The following SFXN5 variants were observed in gnomAD, a reference collection of about 807,000 sequenced individuals.
SFXN5 encodes sideroflexin 5, also known as sideroflexin-5.
Under a neutral mutation model 50.2 loss-of-function variants are expected in SFXN5, and 43 were observed. That is an observed-to-expected ratio of 0.86 (90% CI 0.67 to 1.11). The LOEUF (loss-of-function observed/expected upper bound fraction) is 1.11, where lower values mean the gene tolerates loss of function less well. Ranked by LOEUF, SFXN5 falls within the 50% of genes least tolerant of loss-of-function variation. SFXN5 has a pLI of 0.00. For missense variants in SFXN5, 463 were observed against 454.1 expected, an observed-to-expected ratio of 1.02 and a Z score of -0.18; for synonymous variants, 203 against 185.8, an observed-to-expected ratio of 1.09 and a Z score of -0.75.
At chr2:73,001,148 T>C (rs928495622) in intron 7 of SFXN5, among the ~76,000 whole-genome samples, 3 of 152,200 alleles carry the variant, frequency 2.0e-5, no homozygotes, top group Non-Finnish European at 4.4e-5. Context: ...CCTCAGCAGA[T>C]GTGGGGGAGG....
chr2:72,954,750 ATGGCTCCCAGAGGG>A lies in SFXN5; in HGVS notation c.945+6367_945+6380del, dbSNP rs1209204346. On this transcript the variant is annotated intron_variant, in intron 13 of 13. Coordinates refer to ENST00000272433, the MANE Select transcript of SFXN5 (RefSeq NM_144579.3). ...CCCTGCCCACTTGCCGTGCCCAGAC[ATGGCTCCCAGAGGG>A]TGGCTCCCAGAGGGCACACCCTTGC... Among the ~76,000 whole-genome samples the A allele has an allele frequency of 2.6e-5, 4 of 152,164 alleles. 1 individual carries two copies. Among genetic ancestry groups the A allele is most frequent in the South Asian group, 4.1e-4 (2 of 4,834 alleles).
chr2:73,055,143 C>T (rs1480410190), intron 2 of SFXN5, among the ~76,000 whole-genome samples: 2 of 152,242 alleles, frequency 1.3e-5, no homozygotes, highest in Admixed American at 6.5e-5. Flanking sequence ...GGGCTTAAAG[C>T]AAGTAAGCCA....
intron 1 of SFXN5, 167 bp downstream of exon 1, chr2:73,071,437 G>T: frequency 1.6e-6 from 1 of 624,236 alleles, no homozygotes; most frequent in Non-Finnish European, 2.7e-6. Context: ...CCGCCCCGTT[G>T]ACCAATGGGA....
Position 72,973,967 on chromosome 2 carries a change from A to G in SFXN5, c.626-2282T>C, listed in dbSNP as rs1263691372. The stretch of plus-strand genomic sequence containing the variant: ...ACCACCACCACCGCCACTCCCAGAA[A>G]GGCAAAGTTACAGGAATGTGGTCCA... On this transcript the variant is annotated intron_variant, in intron 10 of 13. Coordinates refer to ENST00000272433, the MANE Select transcript of SFXN5 (RefSeq NM_144579.3). The surrounding 1 kb of genome is among the most constrained non-coding windows in gnomAD (Gnocchi z 5.5). 6.6e-6 allele frequency among the ~76,000 whole-genome samples: 1 copy of G among 152,196 alleles called. No individual in the cohort carries two copies. Among genetic ancestry groups the G allele is most frequent in the Non-Finnish European group, 1.5e-5 (1 of 68,030 alleles).
chr2:72,967,689 G>C (rs1674595099), intron 12 of SFXN5, among the ~76,000 whole-genome samples: 1 of 152,022 alleles, frequency 6.6e-6, no homozygotes, highest in African/African-American at 2.4e-5. Context: ...CATAGGGTAG[G>C]GTCTCCTCAC....
At chr2:72,952,929 C>T (rs555132926) in intron 13 of SFXN5, among the ~76,000 whole-genome samples, 1 of 152,196 alleles carries the variant, frequency 6.6e-6, no homozygotes, top group African/African-American at 2.4e-5. Context: ...GTATTAATGC[C>T]TTTAATGGAA....
At chr2:72,954,743 C>T (rs1411312447) in intron 13 of SFXN5, among the ~76,000 whole-genome samples, 1 of 152,204 alleles carries the variant, frequency 6.6e-6, no homozygotes, top group Non-Finnish European at 1.5e-5. Flanking sequence ...ACTTGCCGTG[C>T]CCAGACATGG....
At chr2:72,980,796 A>T (rs1056446991) in intron 10 of SFXN5, among the ~76,000 whole-genome samples, 14 of 152,094 alleles carry the variant, frequency 9.2e-5, no homozygotes. Context: ...CATAGCGACA[A>T]CATGCCCTCC....
At position 73,026,294 on chromosome 2, in the gene SFXN5, A is replaced by AT. The variant is rs759332481; in HGVS notation, c.250-3081dup. Reference sequence around the variant, plus strand: ...AGGCGTGCGCCACCATGCCTGGCTAATTTTTTTTTTTTTTTTAGTAGAGGC... The same window carrying AT: ...AGGCGTGCGCCACCATGCCTGGCTAATTTTTTTTTTTTTTTTTAGTAGAGGC... On this transcript the variant is annotated intron_variant, in intron 3 of 13. Transcript: ENST00000272433. Among the ~76,000 whole-genome samples, 579 of 140,588 alleles carry AT rather than the reference A, an allele frequency of 4.1e-3. 4 individuals carry two copies. Among genetic ancestry groups the AT allele is most frequent in the South Asian group, 0.011 (47 of 4,384 alleles). The allele number at this position is 140,588 out of a possible 152,430, so 92.2% of individuals were successfully genotyped here. A position where few individuals can be genotyped will look rare whatever the true frequency, so the allele number is the denominator to read the frequency against.
intron 3 of SFXN5, among the ~76,000 whole-genome samples, chr2:73,023,703 AT>A (rs1677196696): frequency 6.6e-6 from 1 of 152,208 alleles, no homozygotes; most frequent in Non-Finnish European, 1.5e-5. Flanking sequence ...AATGGGCATG[AT>A]AGCCATGCCT....
At chr2:73,046,606 G>A (rs1196789762) in intron 2 of SFXN5, among the ~76,000 whole-genome samples, 1 of 151,890 alleles carries the variant, frequency 6.6e-6, no homozygotes, top group African/African-American at 2.4e-5. Flanking sequence ...GAGCCTGGGA[G>A]GCTAAGGCTG....
At chr2:73,046,458 CAA>C (rs998159285) in intron 2 of SFXN5, among the ~76,000 whole-genome samples, 34 of 149,916 alleles carry the variant, frequency 2.3e-4, no homozygotes, top group African/African-American at 8.1e-4. Context: ...TCCAGGAAAG[CAA>C]AAGATAGGAA....
At chr2:72,956,630 T>C (rs1673119821) in intron 13 of SFXN5, among the ~76,000 whole-genome samples, 1 of 152,174 alleles carries the variant, frequency 6.6e-6, no homozygotes, top group Non-Finnish European at 1.5e-5. Context: ...GTGCCTCAGT[T>C]TCCTCATTGG....
At chr2:73,002,733 T>C (rs1674068373) in intron 6 of SFXN5, among the ~76,000 whole-genome samples, 1 of 152,174 alleles carries the variant, frequency 6.6e-6, no homozygotes, top group Admixed American at 6.5e-5. Context: ...TAAAATTATA[T>C]AATATAAAGC....
chr2:73,013,299 A>G (rs1675762671), intron 6 of SFXN5, among the ~76,000 whole-genome samples: 1 of 152,202 alleles, frequency 6.6e-6, no homozygotes, highest in Non-Finnish European at 1.5e-5. Flanking sequence ...TGACTCTGAC[A>G]TAAAGGTACA....
At chr2:72,987,564 T>G (rs1277268239) in intron 10 of SFXN5, among the ~76,000 whole-genome samples, 3 of 151,044 alleles carry the variant, frequency 2.0e-5, no homozygotes, top group East Asian at 4.0e-4. Flanking sequence ...GAGACCAGCC[T>G]GGCCAACATG....
chr2:73,026,970 G>A (rs990032684), intron 3 of SFXN5, among the ~76,000 whole-genome samples: 3 of 151,884 alleles, frequency 2.0e-5, no homozygotes, highest in South Asian at 4.2e-4. Context: ...CAGGTGATCC[G>A]CCTGCCTCAG....
At chr2:73,018,674 T>C (rs1676463329) in intron 6 of SFXN5, among the ~76,000 whole-genome samples, 1 of 152,240 alleles carries the variant, frequency 6.6e-6, no homozygotes, top group Non-Finnish European at 1.5e-5. Context: ...TGGTCATTCT[T>C]GTCTGCTTCC....
intron 12 of SFXN5, among the ~76,000 whole-genome samples, chr2:72,962,127 G>T (rs983396083): frequency 6.6e-6 from 1 of 152,258 alleles, no homozygotes; most frequent in Non-Finnish European, 1.5e-5. Flanking sequence ...AGGCCCTTCA[G>T]CGGGGACCAC....
Sources: gnomAD v4.1 joint callset for allele counts (sites outside exome capture counted in the v4.1 genomes callset) on GRCh38, gnomAD v4.1.1 for gene constraint, Gnocchi (gnomAD v3.1) non-coding constraint, MANE v1.5 for transcripts, NCBI Gene and HGNC (gene_info 2026-07-23, HGNC 2026-07-21) for gene names.